The following POLR3B variants were observed in gnomAD, a reference collection of about 807,000 sequenced individuals.
POLR3B encodes the protein RNA polymerase III subunit B.
In POLR3B, 96 loss-of-function variants were observed where a neutral mutation model predicts 147.4. The observed-to-expected ratio is 0.65, with a 90% CI of 0.55 to 0.77. The LOEUF is 0.77. Among genes scored for constraint, POLR3B ranks in the 30% least tolerant of loss-of-function variants. The pLI is 0.00. For missense variants in POLR3B, 1,036 were observed against 1,413.5 expected (o/e 0.73, Z 4.28); for synonymous variants, 461 against 485.9 (o/e 0.95, Z 0.67).
chr12:106,506,727 A>G (rs557579670), intron 27 of POLR3B, among the ~76,000 whole-genome samples: 6 of 152,310 alleles, frequency 3.9e-5, no homozygotes, highest in African/African-American at 1.4e-4. Flanking sequence ...AGACCTCAAT[A>G]TATACTGTAT....
At chr12:106,460,373 C>T (rs1210627139) in intron 22 of POLR3B, among the ~76,000 whole-genome samples, 1 of 152,148 alleles carries the variant, frequency 6.6e-6, no homozygotes, top group Admixed American at 6.5e-5. Flanking sequence ...CTTAGTGGCT[C>T]ATTAGAAAGA....
rs35295387 is a variant in POLR3B at position 106,418,976 on chromosome 12, C to CA, written c.1101+8023dup. Among the ~76,000 whole-genome samples the CA allele has an allele frequency of 2.8e-3, 430 of 152,100 alleles. 4 individuals are homozygous for CA. The highest frequency in any genetic ancestry group is 9.8e-3 in the African/African-American group (405 of 41,498). On this transcript the variant is annotated intron_variant, in intron 12 of 27. Coordinates refer to ENST00000228347, the MANE Select transcript of POLR3B (RefSeq NM_018082.6). ...GGCTACAATAAATTCAGCTGGGATCCAAAAAAACTTTGTCATAATTTGAGA... is the reference window on the plus strand; with the variant it reads ...GGCTACAATAAATTCAGCTGGGATCCAAAAAAAACTTTGTCATAATTTGAGA...
intron 9 of POLR3B, among the ~76,000 whole-genome samples, chr12:106,382,376 G>A (rs181655053): frequency 2.6e-5 from 4 of 152,284 alleles, no homozygotes; most frequent in Admixed American, 1.3e-4. Context: ...TTGTATTCAA[G>A]GGAATCACAG....
chr12:106,445,474 C>T (rs143360807), intron 19 of POLR3B, among the ~76,000 whole-genome samples: 33 of 152,086 alleles, frequency 2.2e-4, no homozygotes, highest in African/African-American at 7.7e-4. Flanking sequence ...GGTCTCAGTA[C>T]TTTAGTGTGG....
chr12:106,470,968 C>G (rs780969779), intron 23 of POLR3B, among the ~76,000 whole-genome samples: 2 of 152,172 alleles, frequency 1.3e-5, no homozygotes, highest in African/African-American at 2.4e-5. Context: ...GAACACCGTG[C>G]TGGGAGAACC....
rs2036680684 is a variant in POLR3B, at chr12:106,376,468, G to A, written c.496+18G>A. On this transcript the variant is annotated intron_variant, in intron 7 of 27. Coordinates refer to ENST00000228347, the MANE Select transcript of POLR3B (RefSeq NM_018082.6). ...AGATCCAGGTATGTGTGAAGTCTTG[G>A]ATTTGTCCCACTTTCCTTATTCTTT... The A allele has an allele frequency of 6.5e-7, 1 of 1,540,094 alleles. No homozygotes were observed. Among genetic ancestry groups the A allele is most frequent in the Non-Finnish European group, 9.0e-7 (1 of 1,114,122 alleles).
Position 106,375,303 on chromosome 12 carries a change from G to C in POLR3B, c.405-1056G>C, listed in dbSNP as rs142433777. 1.2e-3 allele frequency among the ~76,000 whole-genome samples: 187 copies of C among 152,222 alleles called. 2 individuals carry two copies. Among genetic ancestry groups the C allele is most frequent in the African/African-American group, 4.3e-3 (179 of 41,532 alleles). ...GTGTTTAGTATCTTGACTGTGATCT[G>C]CTTAGGTGTAGCTTTCTTTTTATCT... On this transcript the variant is annotated intron_variant, in intron 6 of 27. Transcript: ENST00000228347.
In POLR3B at chr12:106,504,814, A is replaced by G. The variant is rs2038660787; in HGVS notation, c.3272+560A>G. 6.6e-6 allele frequency among the ~76,000 whole-genome samples: 1 copy of G among 152,342 alleles called. No individual in the cohort carries two copies. Among genetic ancestry groups the G allele is most frequent in the South Asian group, 2.1e-4 (1 of 4,830 alleles). ...TGAGGGCAGAAACCGGGTCTGTCTCAGTAATTTATTCAGCAAACATGTAGT... is the reference window on the plus strand; with the variant it reads ...TGAGGGCAGAAACCGGGTCTGTCTCGGTAATTTATTCAGCAAACATGTAGT... On this transcript the variant is annotated intron_variant, in intron 27 of 27. Coordinates refer to ENST00000228347, the MANE Select transcript of POLR3B (RefSeq NM_018082.6). This position sits in a 1 kb window ranked among gnomAD's most constrained non-coding sequence, Gnocchi z 4.6.
At chr12:106,451,934 T>C (rs150325358) in intron 19 of POLR3B, among the ~76,000 whole-genome samples, 5 of 152,182 alleles carry the variant, frequency 3.3e-5, no homozygotes, top group African/African-American at 1.2e-4. Context: ...TTGGAGACCA[T>C]AGTACAGCAA....
At chr12:106,389,343 G>A (rs865792956) in intron 9 of POLR3B, among the ~76,000 whole-genome samples, 27 of 152,246 alleles carry the variant, frequency 1.8e-4, no homozygotes, top group Middle Eastern at 6.8e-3. Flanking sequence ...CATGCTTTTT[G>A]CACATATGGT....
intron 6 of POLR3B, 46 bp downstream of exon 6, chr12:106,369,729 C>A (rs1181376809): frequency 8.4e-7 from 1 of 1,183,936 alleles, no homozygotes. Flanking sequence ...TGGATTCCAG[C>A]CCCATGATGT....
At chr12:106,459,462 A>G in intron 22 of POLR3B, 94 bp downstream of exon 22, 2 of 777,022 alleles carry the variant, frequency 2.6e-6, no homozygotes, top group Non-Finnish European at 4.7e-6. Flanking sequence ...GTGTTGGAGA[A>G]CTAGAAATAG....
intron 23 of POLR3B, among the ~76,000 whole-genome samples, chr12:106,490,622 C>T (rs2038394796): frequency 6.6e-6 from 1 of 152,132 alleles, no homozygotes; most frequent in Non-Finnish European, 1.5e-5. Flanking sequence ...CAGTTTTTGT[C>T]TACTCCCCTC....
intron 23 of POLR3B, among the ~76,000 whole-genome samples, chr12:106,471,468 G>A (rs1293329139): frequency 6.6e-6 from 1 of 152,110 alleles, no homozygotes; most frequent in Non-Finnish European, 1.5e-5. Context: ...TCCGTGAGGT[G>A]CACCCACTGT....
In POLR3B at chr12:106,358,032, G is replaced by C. The variant is rs544541198; in HGVS notation, c.72+81G>C. The C allele has an allele frequency of 8.9e-6, 14 of 1,575,782 alleles. No individual in the cohort carries two copies. In the African/African-American group the frequency reaches 1.7e-4, roughly 20 times the overall value. On this transcript the variant is annotated intron_variant, in intron 1 of 27. Coordinates refer to ENST00000228347, the MANE Select transcript of POLR3B (RefSeq NM_018082.6). ...TTGCCCGGAGTGCTCGGGCCGCCAA[G>C]GGGGCGGGCTGGCGGTTTGTGCGCA...
intron 11 of POLR3B, among the ~76,000 whole-genome samples, chr12:106,406,500 T>C (rs2136932670): frequency 6.6e-6 from 1 of 152,376 alleles, no homozygotes; most frequent in African/African-American, 2.4e-5. Context: ...TGTACAACCA[T>C]CACCACAGCA....
intron 23 of POLR3B, among the ~76,000 whole-genome samples, chr12:106,470,228 C>T (rs61941923): frequency 6.6e-6 from 1 of 152,026 alleles, no homozygotes; most frequent in African/African-American, 2.4e-5. Flanking sequence ...ATCCTTTCTT[C>T]CGCTTGATCG....
At chr12:106,372,677 A>G (rs542153958) in intron 6 of POLR3B, among the ~76,000 whole-genome samples, 51 of 152,040 alleles carry the variant, frequency 3.4e-4, no homozygotes, top group African/African-American at 1.2e-3. Context: ...TTTGACCTCT[A>G]TTTCTTAATA....
chr12:106,497,672 G>A (rs1027513095), intron 25 of POLR3B, among the ~76,000 whole-genome samples: 2 of 152,168 alleles, frequency 1.3e-5, no homozygotes, highest in South Asian at 2.1e-4. Context: ...CACTAAAGAT[G>A]TGCTAAGCAC....
Sources: allele counts gnomAD v4.1 joint callset (sites outside exome capture counted in the v4.1 genomes callset), GRCh38; gene constraint gnomAD v4.1.1; non-coding constraint Gnocchi (gnomAD v3.1); transcripts MANE v1.5; gene names NCBI Gene and HGNC (gene_info 2026-07-23, HGNC 2026-07-21).